Variants in CDC37L1 observed in about 807,000 individuals in gnomAD.
The protein encoded by CDC37L1 is hsp90 co-chaperone Cdc37-like 1.
Under a neutral mutation model 45.9 loss-of-function variants are expected in CDC37L1, and 32 were observed. The observed-to-expected ratio is 0.70, with a 90% CI of 0.53 to 0.94. The LOEUF (loss-of-function observed/expected upper bound fraction) is 0.94, where lower values mean the gene tolerates loss of function less well. CDC37L1 is among the 40% of genes least tolerant of loss of function. CDC37L1 has a pLI of 0.00. For missense variants in CDC37L1, 434 were observed against 405.7 expected (o/e 1.07, Z -0.60); for synonymous variants, 150 against 133.0 (o/e 1.13, Z -0.88).
chr9:4,700,918 C>G (rs1386762491), intron 5 of CDC37L1, among the ~76,000 whole-genome samples: 11 of 152,190 alleles, frequency 7.2e-5, no homozygotes, highest in Admixed American at 7.2e-4. Context: ...TCTTAATTTT[C>G]AGAAAGAATC....
chr9:4,680,088 G>A (rs1841175529), intron 1 of CDC37L1, among the ~76,000 whole-genome samples, 189 bp downstream of exon 1: 1 of 152,160 alleles, frequency 6.6e-6, no homozygotes, highest in African/African-American at 2.4e-5. Flanking sequence ...GGCAGACGGG[G>A]TGGCCATATA....
intron 3 of CDC37L1, among the ~76,000 whole-genome samples, chr9:4,694,696 C>A (rs1841330635): frequency 6.6e-6 from 1 of 151,904 alleles, no homozygotes; most frequent in African/African-American, 2.4e-5. Context: ...CATGGTGAAA[C>A]CTTGTCTCTA....
Position 4,701,941 on chromosome 9 carries a change from A to G in CDC37L1, c.825A>G (p.Gln275=), listed in dbSNP as rs765262726. The G allele has an allele frequency of 3.8e-6, 6 of 1,595,930 alleles. No homozygotes were observed. The highest frequency in any genetic ancestry group is 1.4e-5 in the African/African-American group (1 of 73,782). Residue 275 remains glutamine, a synonymous_variant, in exon 6 of 7, where the codon CAA becomes CAG. Transcript: ENST00000381854. ...AFKSRVRLYS[Q]SQSFQPMTVQ... The stretch of plus-strand genomic sequence containing the variant: ...AGTCAAGAGTAAGACTTTATTCTCA[A>G]TCACAAAGTTTTCAACCTATGACAG...
chr9:4,685,246 G>A (rs753293852), intron 2 of CDC37L1, 88 bp downstream of exon 2: 16 of 1,021,042 alleles, frequency 1.6e-5, no homozygotes, highest in Non-Finnish European at 2.2e-5. Flanking sequence ...CAAAGCAGCA[G>A]AATCCCATAA....
At position 4,682,295 on chromosome 9, in the gene CDC37L1, TG is replaced by T. The variant is rs1309231827; in HGVS notation, c.132+2399del. ...CTCCTGCCTCAGCCTCCTGAGTAGC[TG>T]GGATTACAGGTGCCCACCACTGTGC... On this transcript the variant is annotated intron_variant, in intron 1 of 6. Coordinates refer to ENST00000381854, the MANE Select transcript of CDC37L1 (RefSeq NM_017913.4). Among the ~76,000 whole-genome samples, 4 of 147,926 alleles carry T rather than the reference TG, an allele frequency of 2.7e-5. No individual in the cohort carries two copies. In the South Asian group the frequency reaches 8.5e-4, roughly 32 times the overall value.
At chr9:4,696,131 G>T (rs1243004997) in intron 3 of CDC37L1, among the ~76,000 whole-genome samples, 1 of 151,958 alleles carries the variant, frequency 6.6e-6, no homozygotes, top group Non-Finnish European at 1.5e-5. Flanking sequence ...ATTTATTTTT[G>T]ATTGACTCAC....
intron 2 of CDC37L1, among the ~76,000 whole-genome samples, chr9:4,687,950 G>A (rs1841265322): frequency 6.6e-6 from 1 of 152,158 alleles, no homozygotes; most frequent in African/African-American, 2.4e-5. Context: ...GGTTAATTCA[G>A]TTGTTTTTCT....
At chr9:4,691,719 C>G (rs1438179205) in intron 3 of CDC37L1, among the ~76,000 whole-genome samples, 1 of 151,978 alleles carries the variant, frequency 6.6e-6, no homozygotes, top group Admixed American at 6.5e-5. Context: ...CTGCTTTTAC[C>G]CTTACAATTA....
chr9:4,687,993 A>C (rs1841265687), intron 2 of CDC37L1, among the ~76,000 whole-genome samples: 1 of 152,096 alleles, frequency 6.6e-6, no homozygotes, highest in African/African-American at 2.4e-5. Flanking sequence ...ATATCCACAC[A>C]TATATCGTAT....
intron 3 of CDC37L1, among the ~76,000 whole-genome samples, chr9:4,691,920 G>A (rs1410896084): frequency 6.6e-6 from 1 of 152,110 alleles, no homozygotes; most frequent in Non-Finnish European, 1.5e-5. Context: ...TATATTCACA[G>A]TTATATGCAT....
At chr9:4,703,930 C>G (rs1363567647) in intron 6 of CDC37L1, among the ~76,000 whole-genome samples, 1 of 152,074 alleles carries the variant, frequency 6.6e-6, no homozygotes, top group Non-Finnish European at 1.5e-5. Context: ...TGGTGGGAGA[C>G]CAATTCCTTA....
chr9:4,680,430 A>C lies in CDC37L1; in HGVS notation c.132+531A>C, dbSNP rs1031435207. On this transcript the variant is annotated intron_variant, in intron 1 of 6. Coordinates refer to ENST00000381854, the MANE Select transcript of CDC37L1 (RefSeq NM_017913.4). Reference sequence around the variant, plus strand: ...AATCTCGCTTTTGACGCTGGCGTACACCTCTCCCATTCGCGTGACCATCTT... The same window carrying C: ...AATCTCGCTTTTGACGCTGGCGTACCCCTCTCCCATTCGCGTGACCATCTT... Among the ~76,000 whole-genome samples, 3 of 151,930 alleles carry C rather than the reference A, an allele frequency of 2.0e-5. No homozygotes were observed. The South Asian group carries it at 6.2e-4, about 32-fold the overall frequency.
At chr9:4,705,266 G>C (rs1184264999) in intron 6 of CDC37L1, among the ~76,000 whole-genome samples, 3 of 152,170 alleles carry the variant, frequency 2.0e-5, no homozygotes, top group Non-Finnish European at 4.4e-5. Context: ...CAATTGAGTA[G>C]ACAAAATTGA....
chr9:4,703,311 C>T, intron 6 of CDC37L1: 1 of 373,542 alleles, frequency 2.7e-6, no homozygotes, highest in East Asian at 4.1e-5. Context: ...ATATTTACCC[C>T]AGTCAAAAAT....
At chr9:4,688,746 C>T in intron 3 of CDC37L1, 140 bp downstream of exon 3, 1 of 489,378 alleles carries the variant, frequency 2.0e-6, no homozygotes, top group Non-Finnish European at 3.6e-6. Flanking sequence ...CTGTATAGAT[C>T]TTGTTTTAGA....
intron 3 of CDC37L1, among the ~76,000 whole-genome samples, chr9:4,695,246 G>A (rs1278714658): frequency 6.6e-6 from 1 of 152,170 alleles, no homozygotes; most frequent in Non-Finnish European, 1.5e-5. Context: ...GTGCAGTGGT[G>A]AGGTCATAGC....
At chr9:4,691,768 T>C (rs1015821576) in intron 3 of CDC37L1, among the ~76,000 whole-genome samples, 10 of 152,194 alleles carry the variant, frequency 6.6e-5, no homozygotes, top group Non-Finnish European at 1.0e-4. Flanking sequence ...GTACAATATA[T>C]CATGGACTAT....
intron 2 of CDC37L1, among the ~76,000 whole-genome samples, chr9:4,687,642 G>A (rs59547161): frequency 0.042 from 5,375 of 127,292 alleles, 342 homozygotes; most frequent in African/African-American, 0.16. Context: ...TTGTGCCACT[G>A]TACTCCAGCC....
At position 4,687,608 on chromosome 9, in the gene CDC37L1, G is replaced by A. The variant is rs1841259105; in HGVS notation, c.415-905G>A. ...GTGGGAGGATCACTTGACCCCAAGA[G>A]GTTGAGGCTGCAGTGAGCTATGATT... On this transcript the variant is annotated intron_variant, in intron 2 of 6. Transcript: ENST00000381854. Among the ~76,000 whole-genome samples, 12 of 145,746 alleles carry A rather than the reference G, an allele frequency of 8.2e-5. No individual in the cohort carries two copies. In the Admixed American group the frequency reaches 8.5e-4, roughly 10 times the overall value.
Sources: gnomAD v4.1 joint callset for allele counts (sites outside exome capture counted in the v4.1 genomes callset) on GRCh38, gnomAD v4.1.1 for gene constraint, MANE v1.5 for transcripts, NCBI Gene and HGNC (gene_info 2026-07-23, HGNC 2026-07-21) for gene names.